Variants in PIP5K1B observed in about 807,000 individuals in gnomAD.
PIP5K1B encodes the protein phosphatidylinositol 4-phosphate 5-kinase type-1 beta.
PIP5K1B carries 42 observed loss-of-function variants against 67.0 expected under a neutral mutation model. The ratio of observed to expected loss-of-function variants is 0.63; its 90% CI spans 0.49 to 0.81. The LOEUF is 0.81. Ranked by LOEUF, PIP5K1B falls within the 30% of genes least tolerant of loss-of-function variation. PIP5K1B has a pLI of 0.00. For missense variants in PIP5K1B, 459 were observed against 646.3 expected (o/e 0.71, Z 3.14); for synonymous variants, 214 against 231.4 (o/e 0.92, Z 0.68).
intron 2 of PIP5K1B, among the ~76,000 whole-genome samples, chr9:68,757,140 A>G (rs1028776533): frequency 9.9e-5 from 15 of 152,130 alleles, no homozygotes; most frequent in Admixed American, 2.0e-4. Context: ...ACAAGCATCA[A>G]TTTTTTAAAA....
At chr9:68,984,159 T>C (rs997225324) in intron 14 of PIP5K1B, among the ~76,000 whole-genome samples, 2 of 152,244 alleles carry the variant, frequency 1.3e-5, no homozygotes, top group Admixed American at 1.3e-4. Context: ...ATTTTACATA[T>C]GGGAAACTGG....
chr9:68,865,313 T>G (rs930582219), intron 5 of PIP5K1B, among the ~76,000 whole-genome samples: 4 of 151,678 alleles, frequency 2.6e-5, no homozygotes, highest in African/African-American at 9.7e-5. Context: ...AAAAAAAAAA[T>G]GTATATTAAC....
intron 4 of PIP5K1B, among the ~76,000 whole-genome samples, chr9:68,859,174 G>C (rs1398151657): frequency 6.6e-6 from 1 of 152,194 alleles, no homozygotes; most frequent in Non-Finnish European, 1.5e-5. Context: ...ACCCTATGTA[G>C]CTATGTAACA....
At chr9:68,836,350 T>A (rs189697590) in intron 4 of PIP5K1B, among the ~76,000 whole-genome samples, 300 of 152,328 alleles carry the variant, frequency 2.0e-3, no homozygotes, top group Admixed American at 6.8e-3. Flanking sequence ...AGAGGGGTTT[T>A]AAAGTTGTAA....
intron 2 of PIP5K1B, among the ~76,000 whole-genome samples, chr9:68,765,577 A>G (rs1830388342): frequency 6.6e-6 from 1 of 152,150 alleles, no homozygotes; most frequent in South Asian, 2.1e-4. Context: ...TCAAAATAGG[A>G]CCTAAGATTT....
intron 1 of PIP5K1B, among the ~76,000 whole-genome samples, chr9:68,717,971 A>G (rs1281859222): frequency 6.6e-6 from 1 of 152,164 alleles, no homozygotes; most frequent in Non-Finnish European, 1.5e-5. Context: ...TTTACTCCCT[A>G]CTGAAGGGCA....
chr9:68,987,517 A>T (rs1346425801), intron 14 of PIP5K1B, among the ~76,000 whole-genome samples: 2 of 152,058 alleles, frequency 1.3e-5, no homozygotes, highest in Non-Finnish European at 2.9e-5. Flanking sequence ...AGCCAAGATC[A>T]TGCCATTGCA....
chr9:68,869,098 A>G (rs1323196903), intron 5 of PIP5K1B, among the ~76,000 whole-genome samples: 1 of 152,234 alleles, frequency 6.6e-6, no homozygotes, highest in East Asian at 1.9e-4. Context: ...TCTAGGCATA[A>G]TGACATAAAC....
chr9:68,887,670 A>G (rs927700881), intron 6 of PIP5K1B, among the ~76,000 whole-genome samples: 3 of 152,232 alleles, frequency 2.0e-5, no homozygotes, highest in African/African-American at 7.2e-5. Flanking sequence ...AGAGTGGACA[A>G]TTAAGACCAG....
At chr9:68,738,995 C>T (rs773390942) in intron 1 of PIP5K1B, among the ~76,000 whole-genome samples, 10 of 152,150 alleles carry the variant, frequency 6.6e-5, no homozygotes, top group Non-Finnish European at 1.2e-4. Context: ...CATGGCTTTA[C>T]CATGGGGTCC....
intron 2 of PIP5K1B, among the ~76,000 whole-genome samples, chr9:68,779,052 A>G (rs1326506473): frequency 6.6e-6 from 1 of 151,420 alleles, no homozygotes; most frequent in African/African-American, 2.4e-5. Flanking sequence ...GCGTTTCTCT[A>G]TTTTCCCCTC....
At chr9:68,797,175 T>G (rs946205312) in intron 2 of PIP5K1B, among the ~76,000 whole-genome samples, 1 of 152,218 alleles carries the variant, frequency 6.6e-6, no homozygotes, top group Non-Finnish European at 1.5e-5. Flanking sequence ...CTTGGCGTGG[T>G]ACACACATAT....
intron 2 of PIP5K1B, among the ~76,000 whole-genome samples, chr9:68,745,817 C>T (rs760187747): frequency 2.0e-5 from 3 of 152,154 alleles, no homozygotes; most frequent in Non-Finnish European, 2.9e-5. Context: ...TTTCTGTTAC[C>T]GCAATTCCCT....
chr9:68,855,959 C>A (rs1771758513), intron 4 of PIP5K1B, among the ~76,000 whole-genome samples: 1 of 152,184 alleles, frequency 6.6e-6, no homozygotes, highest in Admixed American at 6.5e-5. Context: ...TAAATCAATG[C>A]AAACTTATTA....
At chr9:68,865,253 A>G (rs1273740428) in intron 5 of PIP5K1B, among the ~76,000 whole-genome samples, 1 of 151,990 alleles carries the variant, frequency 6.6e-6, no homozygotes, top group African/African-American at 2.4e-5. Context: ...TCTTCTTTCT[A>G]TAGTTGGAAA....
chr9:68,733,157 C>A (rs1828536348), intron 1 of PIP5K1B, among the ~76,000 whole-genome samples: 1 of 152,140 alleles, frequency 6.6e-6, no homozygotes, highest in African/African-American at 2.4e-5. Context: ...AGCCAACCAT[C>A]CAACCACAAA....
Position 68,907,643 on chromosome 9 carries a change from C to T in PIP5K1B, c.772-9905C>T, listed in dbSNP as rs562964548. Among the ~76,000 whole-genome samples, 12 of 152,168 alleles carry T rather than the reference C, an allele frequency of 7.9e-5. No homozygotes were observed. In the South Asian group the frequency reaches 1.7e-3, roughly 21 times the overall value. On this transcript the variant is annotated intron_variant, in intron 8 of 15. Transcript: ENST00000265382. ...CTGCTCTATGAAAGCTTCAACAATC[C>T]TAGAGCATGGATCAGCCAGTTTTCT...
intron 1 of PIP5K1B, among the ~76,000 whole-genome samples, chr9:68,730,984 T>TTAGTTCCA (rs1479015639): frequency 6.6e-6 from 1 of 152,250 alleles, no homozygotes; most frequent in Non-Finnish European, 1.5e-5. Flanking sequence ...CCTTGAAGTC[T>TTAGTTCCA]TAGTTGAAAT....
At chr9:68,778,441 A>T (rs1831034245) in intron 2 of PIP5K1B, among the ~76,000 whole-genome samples, 1 of 152,146 alleles carries the variant, frequency 6.6e-6, no homozygotes, top group Non-Finnish European at 1.5e-5. Context: ...CTACCATCTC[A>T]CCAGTTTAAA....
Sources: gnomAD v4.1 joint callset for allele counts (sites outside exome capture counted in the v4.1 genomes callset) on GRCh38, gnomAD v4.1.1 for gene constraint, MANE v1.5 for transcripts, NCBI Gene and HGNC (gene_info 2026-07-23, HGNC 2026-07-21) for gene names.